The following CCDC170 variants were observed in gnomAD, a reference collection of about 807,000 sequenced individuals.
CCDC170 encodes the protein coiled-coil domain-containing protein 170.
A neutral mutation model predicts 72.6 loss-of-function variants in CCDC170; 69 were observed. The ratio of observed to expected loss-of-function variants is 0.95; its 90% confidence interval spans 0.78 to 1.16. CCDC170 has a LOEUF of 1.16. Among genes scored for constraint, CCDC170 ranks in the 50% most tolerant of loss-of-function variants. The pLI is 0.00. For missense variants in CCDC170, 852 were observed against 832.5 expected (o/e 1.02, Z -0.29); for synonymous variants, 300 against 303.9 (o/e 0.99, Z 0.13).
intron 9 of CCDC170, among the ~76,000 whole-genome samples, chr6:151,609,710 G>A (rs1321029610): frequency 1.3e-5 from 2 of 152,146 alleles, no homozygotes; most frequent in South Asian, 2.1e-4. Flanking sequence ...TTAAGAAACC[G>A]ACTTAGTCCC....
chr6:151,596,600 T>G, intron 9 of CCDC170, 23 bp downstream of exon 9: 1 of 1,610,632 alleles, frequency 6.2e-7, no homozygotes. Context: ...CTTCATTTTG[T>G]TGTTGCTTTT....
At chr6:151,496,050 A>AT (rs919705006) in intron 1 of CCDC170, among the ~76,000 whole-genome samples, 3 of 151,650 alleles carry the variant, frequency 2.0e-5, no homozygotes, top group African/African-American at 4.8e-5. Flanking sequence ...AGTTCTTCAC[A>AT]TTTTTTTTGT....
chr6:151,565,405 A>C (rs1051459695), intron 5 of CCDC170, among the ~76,000 whole-genome samples: 24 of 152,128 alleles, frequency 1.6e-4, no homozygotes, highest in African/African-American at 5.6e-4. Context: ...GGAGGAATCC[A>C]TGATGGGAGT....
chr6:151,536,458 C>T lies in CCDC170; in HGVS notation c.186+12C>T, dbSNP rs748508645. 6.2e-7 allele frequency: 1 copy of T among 1,613,436 alleles called. No homozygotes were observed. Among genetic ancestry groups the T allele is most frequent in the Non-Finnish European group, 8.5e-7 (1 of 1,179,550 alleles). ...GTGCTCAGTCTGAGGTAAGATAATG[C>T]ATTTCCAGCACTCAGAAATGGGCCT... is the stretch of plus-strand genomic sequence containing the variant. On this transcript the variant is annotated intron_variant, in intron 2 of 10. Transcript: ENST00000239374.
At chr6:151,605,833 T>A (rs1776774220) in intron 9 of CCDC170, among the ~76,000 whole-genome samples, 1 of 152,050 alleles carries the variant, frequency 6.6e-6, no homozygotes, top group African/African-American at 2.4e-5. Context: ...TGGTGCTGTG[T>A]ATTTGTTTTT....
At chr6:151,599,156 C>T (rs555250378) in intron 9 of CCDC170, among the ~76,000 whole-genome samples, 3 of 152,260 alleles carry the variant, frequency 2.0e-5, no homozygotes, top group South Asian at 2.1e-4. Context: ...GAAAAGGAAA[C>T]AAAATTTGGG....
At chr6:151,563,186 G>A (rs1464974542) in intron 5 of CCDC170, among the ~76,000 whole-genome samples, 1 of 151,998 alleles carries the variant, frequency 6.6e-6, no homozygotes, top group East Asian at 1.9e-4. Flanking sequence ...GAGCAGCATG[G>A]GGCTCACTTT....
chr6:151,545,801 ATTATT>A (rs1219115574), intron 4 of CCDC170, among the ~76,000 whole-genome samples: 2 of 151,976 alleles, frequency 1.3e-5, no homozygotes, highest in African/African-American at 4.8e-5. Context: ...TGTCTGGCTA[ATTATT>A]TTATTTATGT....
chr6:151,497,944 C>T (rs536352899), intron 1 of CCDC170, among the ~76,000 whole-genome samples: 59 of 112,074 alleles, frequency 5.3e-4, no homozygotes, highest in Admixed American at 1.6e-3. Flanking sequence ...CCACTGAACA[C>T]ACCATCTCAA....
At chr6:151,545,733 C>T (rs944567068) in intron 4 of CCDC170, among the ~76,000 whole-genome samples, 22 of 152,092 alleles carry the variant, frequency 1.4e-4, no homozygotes, top group Admixed American at 1.2e-3. Context: ...TTCTTGGGCT[C>T]AAGTGATCCT....
chr6:151,539,945 A>G (rs1374701944), intron 3 of CCDC170, among the ~76,000 whole-genome samples: 1 of 152,032 alleles, frequency 6.6e-6, no homozygotes, highest in Admixed American at 6.6e-5. Flanking sequence ...AGCAAATCCC[A>G]TCATATCTAT....
chr6:151,538,355 C>T (rs1583016074), intron 3 of CCDC170, 54 bp downstream of exon 3: 1 of 1,493,464 alleles, frequency 6.7e-7, no homozygotes, highest in East Asian at 2.3e-5. Context: ...ATACTAGCTT[C>T]TGATAGCAAG....
Position 151,519,224 on chromosome 6 carries a change from C to T in CCDC170, c.58-17094C>T, listed in dbSNP as rs559406979. On this transcript the variant is annotated intron_variant, in intron 1 of 10. Coordinates refer to ENST00000239374, the MANE Select transcript of CCDC170 (RefSeq NM_025059.4). ...AGAGCGGCCATTTATGGACCTCCCCCGAGGAATGCATTCCTTCCCCAGGGT... is the reference window on the plus strand; with the variant it reads ...AGAGCGGCCATTTATGGACCTCCCCTGAGGAATGCATTCCTTCCCCAGGGT... Among the ~76,000 whole-genome samples, 21 of 152,246 alleles carry T rather than the reference C, an allele frequency of 1.4e-4. 1 individual carries two copies. Among genetic ancestry groups the T allele is most frequent in the African/African-American group, 4.1e-4 (17 of 41,536 alleles).
At chr6:151,500,880 C>T (rs4869732) in intron 1 of CCDC170, among the ~76,000 whole-genome samples, 6,369 of 152,128 alleles carry the variant, frequency 0.042, 318 homozygotes, top group East Asian at 0.21. Context: ...GTAGATCAAC[C>T]AGACAAAAAT....
intron 9 of CCDC170, among the ~76,000 whole-genome samples, chr6:151,603,019 G>A (rs547847212): frequency 2.4e-4 from 37 of 151,776 alleles, no homozygotes; most frequent in African/African-American, 3.6e-4. Context: ...CAGGCTGGTC[G>A]TGAACTCCTG....
chr6:151,510,646 C>T (rs1782133422), intron 1 of CCDC170, among the ~76,000 whole-genome samples: 1 of 152,088 alleles, frequency 6.6e-6, no homozygotes, highest in Non-Finnish European at 1.5e-5. Context: ...TCAGGACACT[C>T]ATAACAAGAT....
At chr6:151,608,432 T>C (rs917922084) in intron 9 of CCDC170, among the ~76,000 whole-genome samples, 1 of 152,234 alleles carries the variant, frequency 6.6e-6, no homozygotes, top group African/African-American at 2.4e-5. Flanking sequence ...AACAAACACT[T>C]CTTCCAATTT....
chr6:151,509,129 G>A (rs964672169), intron 1 of CCDC170, among the ~76,000 whole-genome samples: 49 of 151,824 alleles, frequency 3.2e-4, no homozygotes, highest in African/African-American at 1.1e-3. Context: ...ATCCCATTTG[G>A]GAAGAGTTCT....
intron 7 of CCDC170, among the ~76,000 whole-genome samples, chr6:151,590,074 C>T (rs767777351): frequency 6.6e-5 from 10 of 152,034 alleles, no homozygotes; most frequent in Non-Finnish European, 1.2e-4. Flanking sequence ...GCAATCTCTT[C>T]GAGATTCAGC....
Sources: gnomAD v4.1 joint callset for allele counts (sites outside exome capture counted in the v4.1 genomes callset) on GRCh38, gnomAD v4.1.1 for gene constraint, MANE v1.5 for transcripts, NCBI Gene and HGNC (gene_info 2026-07-23, HGNC 2026-07-21) for gene names.